The following TRAPPC8 variants were observed in gnomAD, a reference collection of about 807,000 sequenced individuals.
The protein encoded by TRAPPC8 is trafficking protein particle complex subunit 8.
In TRAPPC8, 54 loss-of-function variants were observed where a neutral mutation model predicts 174.3. The ratio of observed to expected loss-of-function variants is 0.31; its 90% CI spans 0.25 to 0.39. TRAPPC8 has a LOEUF of 0.39. Among genes scored for constraint, TRAPPC8 ranks in the 10% least tolerant of loss-of-function variants. The pLI is 1.00. For missense variants in TRAPPC8, 1,531 were observed against 1,699.1 expected (o/e 0.90, Z 1.74); for synonymous variants, 630 against 579.9 (o/e 1.09, Z -1.24).
At chr18:31,906,415 T>C (rs941660854) in intron 9 of TRAPPC8, among the ~76,000 whole-genome samples, 5 of 152,034 alleles carry the variant, frequency 3.3e-5, no homozygotes, top group Admixed American at 3.3e-4. Flanking sequence ...AAGTTACATA[T>C]TTTATATATG....
In TRAPPC8 at chr18:31,931,354, T is replaced by C. The variant is rs767125283; in HGVS notation, c.327A>G (p.Ala109=). Residue 109 remains alanine (A), a synonymous_variant, in exon 2 of 29, where the codon GCA becomes GCG. Coordinates refer to ENST00000283351, the MANE Select transcript of TRAPPC8 (RefSeq NM_014939.5). ...AEGLVANVIT[A]GDYDLNISAT... is the part of the protein sequence containing the mutation. ...CACTGATGTTAAGGTCATAATCTCC[T>C]GCTGTAATCACATTAGCTACTAATC... The C allele has an allele frequency of 6.3e-7, 1 of 1,594,842 alleles. No individual in the cohort carries two copies. Among genetic ancestry groups the C allele is most frequent in the Non-Finnish European group, 8.5e-7 (1 of 1,171,376 alleles).
chr18:31,906,546 CTT>C (rs774574809), intron 9 of TRAPPC8, among the ~76,000 whole-genome samples: 72 of 152,090 alleles, frequency 4.7e-4, no homozygotes, highest in Non-Finnish European at 6.5e-4. Flanking sequence ...TTCTTATAAA[CTT>C]TTTTCTTCAC....
At chr18:31,938,297 TAAC>T (rs1177675228) in intron 1 of TRAPPC8, among the ~76,000 whole-genome samples, 1 of 151,910 alleles carries the variant, frequency 6.6e-6, no homozygotes, top group Non-Finnish European at 1.5e-5. Flanking sequence ...ATGACTACAT[TAAC>T]TCTCAAACAT....
intron 26 of TRAPPC8, among the ~76,000 whole-genome samples, chr18:31,845,498 T>G (rs1488727557): frequency 6.6e-6 from 1 of 152,006 alleles, no homozygotes; most frequent in Admixed American, 6.6e-5. Context: ...TTTGTCTTTC[T>G]TCTTAGGAAT....
chr18:31,895,828 T>C (rs2036162062), intron 11 of TRAPPC8: 1 of 152,228 alleles, frequency 6.6e-6, no homozygotes, highest in African/African-American at 2.4e-5. Flanking sequence ...GTCTGTTATC[T>C]GTTCATATTT....
chr18:31,930,372 G>A (rs932364918), intron 2 of TRAPPC8, among the ~76,000 whole-genome samples: 6 of 151,880 alleles, frequency 4.0e-5, no homozygotes, highest in East Asian at 1.9e-4. Flanking sequence ...CGCCTGCCTC[G>A]GCCTCCCAAA....
intron 5 of TRAPPC8, among the ~76,000 whole-genome samples, chr18:31,912,533 C>T (rs558616835): frequency 5.9e-5 from 9 of 151,860 alleles, no homozygotes; most frequent in African/African-American, 1.7e-4. Context: ...AGGTGGTGGA[C>T]GCCTGTAATC....
At chr18:31,867,088 G>T in intron 17 of TRAPPC8, 113 bp from the exon 18 acceptor site, 2 of 1,130,632 alleles carry the variant, frequency 1.8e-6, no homozygotes, top group Non-Finnish European at 2.4e-6. Context: ...CTTTTAAAAT[G>T]CCAATTAATT....
At chr18:31,836,956 G>A (rs985222938) in intron 27 of TRAPPC8, among the ~76,000 whole-genome samples, 3 of 151,904 alleles carry the variant, frequency 2.0e-5, no homozygotes, top group African/African-American at 7.2e-5. Flanking sequence ...TAGAGATGGG[G>A]TTTCACCGTG....
At chr18:31,832,061 C>A in intron 28 of TRAPPC8, 23 bp downstream of exon 28, 2 of 1,439,954 alleles carry the variant, frequency 1.4e-6, no homozygotes, top group Non-Finnish European at 1.9e-6. Flanking sequence ...AATCAAATAA[C>A]CTTGCACTAA....
chr18:31,899,426 T>C (rs758345698), intron 10 of TRAPPC8, among the ~76,000 whole-genome samples: 2 of 152,204 alleles, frequency 1.3e-5, no homozygotes, highest in Admixed American at 1.3e-4. Context: ...GATGTTGTTT[T>C]GTTCTAACCA....
chr18:31,942,445 C>T, intron 1 of TRAPPC8, 163 bp downstream of exon 1: 2 of 920,804 alleles, frequency 2.2e-6, no homozygotes, highest in East Asian at 3.2e-5. Flanking sequence ...CTCACGGTCC[C>T]TCCTCCAGCC....
intron 10 of TRAPPC8, among the ~76,000 whole-genome samples, chr18:31,899,603 T>C (rs571433025): frequency 6.6e-6 from 1 of 152,304 alleles, no homozygotes; most frequent in South Asian, 2.1e-4. Flanking sequence ...ACTCAAATAT[T>C]CGGTAATTTT....
intron 2 of TRAPPC8, chr18:31,926,640 T>C (rs924689655): frequency 1.3e-5 from 2 of 152,188 alleles, no homozygotes; most frequent in Non-Finnish European, 2.9e-5. Flanking sequence ...TTCACCATTT[T>C]AGTCAGGCTG....
chr18:31,874,130 A>C, intron 13 of TRAPPC8: 1 of 306,582 alleles, frequency 3.3e-6, no homozygotes, highest in South Asian at 7.0e-5. Flanking sequence ...CCATCTCCAA[A>C]GGATGGTAAA....
intron 27 of TRAPPC8, among the ~76,000 whole-genome samples, chr18:31,834,084 T>A (rs2032557778): frequency 1.6e-5 from 2 of 127,828 alleles, no homozygotes; most frequent in Non-Finnish European, 3.6e-5. Context: ...TGGGATCACA[T>A]TTTGGTTGTT....
chr18:31,834,354 C>G (rs1598576087), intron 27 of TRAPPC8, among the ~76,000 whole-genome samples: 1 of 152,126 alleles, frequency 6.6e-6, no homozygotes, highest in Non-Finnish European at 1.5e-5. Context: ...AGGAGATCCG[C>G]CCGCCTTGGC....
At position 31,919,533 on chromosome 18, in the gene TRAPPC8, A is replaced by AAAATAAAT. The variant is rs200943530; in HGVS notation, c.353-1874_353-1867dup. Among the ~76,000 whole-genome samples the AAAATAAAT allele has an allele frequency of 8.7e-4, 101 of 115,652 alleles. 1 individual carries two copies. The highest frequency in any genetic ancestry group is 3.8e-3 in the Middle Eastern group (1 of 262). The allele number at this position is 115,652 out of a possible 152,430, so 75.9% of individuals were successfully genotyped here. ...GGGCAATAGAGTGAGACTCAGTCTC[A>AAAATAAAT]AAATAAATAAATAAATAAATAAATA... On this transcript the variant is annotated intron_variant, in intron 2 of 28. Coordinates refer to ENST00000283351, the MANE Select transcript of TRAPPC8 (RefSeq NM_014939.5).
At chr18:31,870,536 AT>A (rs749821917) in intron 15 of TRAPPC8, 34 bp from the exon 16 acceptor site, 1 of 1,589,472 alleles carries the variant, frequency 6.3e-7, no homozygotes. Context: ...AATAACTTTA[AT>A]AAACATCACA....
Sources: gnomAD v4.1 joint callset for allele counts (sites outside exome capture counted in the v4.1 genomes callset) on GRCh38, gnomAD v4.1.1 for gene constraint, MANE v1.5 for transcripts, NCBI Gene and HGNC (gene_info 2026-07-23, HGNC 2026-07-21) for gene names.